CD58: variants seen among roughly 807,000 people sequenced by gnomAD.
CD58 encodes lymphocyte function-associated antigen 3.
CD58 carries 14 observed loss-of-function variants against 27.6 expected under a neutral mutation model. The ratio of observed to expected loss-of-function variants is 0.51; its 90% CI spans 0.34 to 0.79. The LOEUF is 0.79. Among genes scored for constraint, CD58 ranks in the 30% least tolerant of loss-of-function variants. The pLI is 0.02. For missense variants in CD58, 268 were observed against 301.7 expected (o/e 0.89, Z 0.83); for synonymous variants, 117 against 103.8 (o/e 1.13, Z -0.77).
Position 116,519,398 on chromosome 1 carries a change from G to A in CD58, c.707-131C>T, listed in dbSNP as rs1240497723. The A allele has an allele frequency of 2.5e-6, 2 of 792,874 alleles. No individual in the cohort carries two copies. Among genetic ancestry groups the A allele is most frequent in the African/African-American group, 1.7e-5 (1 of 58,564 alleles). The allele number at this position is 792,874 out of a possible 1,614,324, so 49.1% of individuals were successfully genotyped here. On this transcript the variant is annotated intron_variant, in intron 4 of 5. Coordinates refer to ENST00000369489, the MANE Select transcript of CD58 (RefSeq NM_001779.3). The surrounding 1 kb of genome is among the most constrained non-coding windows in gnomAD (Gnocchi z 4.7). ...GAGCCCCATCACCCTGGGATTTCCTGCTATCCTATATGCTTTAAATCAAAT... is the reference window on the plus strand; with the variant it reads ...GAGCCCCATCACCCTGGGATTTCCTACTATCCTATATGCTTTAAATCAAAT...
Position 116,523,075 on chromosome 1 carries a change from T to C in CD58, c.629-1092A>G, listed in dbSNP as rs1657319841. Among the ~76,000 whole-genome samples the C allele has an allele frequency of 6.6e-6, 1 of 152,216 alleles. No homozygotes were observed. The highest frequency in any genetic ancestry group is 2.4e-5 in the African/African-American group (1 of 41,452). ...GATGTTATTGGTATCTCTATTAATA[T>C]CTTGTGACTCTGCAATTCCATTTCT... On this transcript the variant is annotated intron_variant, in intron 3 of 5. Transcript: ENST00000369489. The surrounding 1 kb of genome is among the most constrained non-coding windows in gnomAD (Gnocchi z 4.4).
chr1:116,514,821 A>ATT lies in CD58; in HGVS notation c.744_745insAA (p.Ser249AsnfsTer6). 6.4e-7 allele frequency: 1 copy of ATT among 1,559,114 alleles called. No homozygotes were observed. The highest frequency in any genetic ancestry group is 8.8e-7 in the Non-Finnish European group (1 of 1,134,790). On this transcript the variant is annotated frameshift_variant and splice_region_variant, in exon 6 of 6. Transcript: ENST00000369489. LOFTEE classifies it high-confidence loss of function. ...TCATCTTCTGTTACCAATCAATTGG[A>ATT]GCTACAAAAAAAAATCATATTATTA...
chr1:116,534,086 C>T lies in CD58; in HGVS notation c.628+1879G>A. The T allele has an allele frequency of 1.2e-6, 1 of 814,454 alleles. No individual in the cohort carries two copies. The highest frequency in any genetic ancestry group is 2.2e-6 in the Non-Finnish European group (1 of 464,004). 50.5% of individuals were successfully genotyped at this position (814,454 alleles called of 1,614,324 possible). A position where few individuals can be genotyped will look rare whatever the true frequency, so the allele number is the denominator to read the frequency against. Reference sequence around the variant, plus strand: ...GGAACCCCATCTGAAAAACTGTTATCTGCCATCTGAATGTTTTTATCCCCT... The same window carrying T: ...GGAACCCCATCTGAAAAACTGTTATTTGCCATCTGAATGTTTTTATCCCCT... On this transcript the variant is annotated intron_variant, in intron 3 of 5. Coordinates refer to ENST00000369489, the MANE Select transcript of CD58 (RefSeq NM_001779.3). The surrounding 1 kb of genome is among the most constrained non-coding windows in gnomAD (Gnocchi z 5.3).
chr1:116,566,387 C>G (rs150516730), intron 1 of CD58, among the ~76,000 whole-genome samples: 21 of 152,312 alleles, frequency 1.4e-4, no homozygotes, highest in African/African-American at 4.6e-4. Context: ...TTAGAAGTAT[C>G]AGGGTGAACT....
chr1:116,555,527 T>C (rs1380565121), intron 1 of CD58, among the ~76,000 whole-genome samples: 3 of 152,230 alleles, frequency 2.0e-5, no homozygotes, highest in Non-Finnish European at 4.4e-5. Context: ...GCTAGCCAGA[T>C]AATTTTTGAA....
rs1312842406 is a variant in CD58, at chr1:116,515,852, C to T, written c.744-1030G>A. Among the ~76,000 whole-genome samples the T allele has an allele frequency of 1.3e-5, 2 of 152,292 alleles. No individual in the cohort carries two copies. Among genetic ancestry groups the T allele is most frequent in the African/African-American group, 2.4e-5 (1 of 41,570 alleles). On this transcript the variant is annotated intron_variant, in intron 5 of 5. Coordinates refer to ENST00000369489, the MANE Select transcript of CD58 (RefSeq NM_001779.3). This position sits in a 1 kb window ranked among gnomAD's most constrained non-coding sequence, Gnocchi z 4.6. ...TGAACTGCCTGGGTGAGAAGTGTGG[C>T]GTGGCCATTTCCCGTCAGATGTCTG...
intron 1 of CD58, among the ~76,000 whole-genome samples, chr1:116,556,192 T>C (rs1353701403): frequency 6.9e-6 from 1 of 144,302 alleles, no homozygotes; most frequent in African/African-American, 2.6e-5. Flanking sequence ...GAGGTGGAGG[T>C]TGCAGTGGCC....
intron 3 of CD58, chr1:116,533,956 T>G (rs1341352970): frequency 9.8e-6 from 14 of 1,428,516 alleles, no homozygotes; most frequent in Non-Finnish European, 1.3e-5. Context: ...AGGGGCATTG[T>G]CAAGTCGCTC....
chr1:116,544,640 C>G, intron 1 of CD58, 36 bp from the exon 2 acceptor site: 1 of 1,455,470 alleles, frequency 6.9e-7, no homozygotes, highest in South Asian at 1.3e-5. Flanking sequence ...GAAAAAACAA[C>G]ATGACTTTGG....
At chr1:116,540,026 G>A (rs1657943747) in intron 2 of CD58, among the ~76,000 whole-genome samples, 1 of 152,128 alleles carries the variant, frequency 6.6e-6, no homozygotes, top group African/African-American at 2.4e-5. Context: ...TATCAATCCA[G>A]CCCAGTTAAG....
In CD58 at chr1:116,570,981, G is replaced by A. The variant is rs1414124569; in HGVS notation, c.-9C>T. ...TCGCTCCCAGCAACCATGGCTCGTC[G>A]GGCCGGCCTCTGCGCGAGTGCCCAG... On this transcript the variant is annotated 5_prime_UTR_variant, in exon 1 of 6. Coordinates refer to ENST00000369489, the MANE Select transcript of CD58 (RefSeq NM_001779.3). This position sits in a 1 kb window ranked among gnomAD's most constrained non-coding sequence, Gnocchi z 6.4. 3.9e-6 allele frequency: 6 copies of A among 1,543,064 alleles called. No homozygotes were observed. Among genetic ancestry groups the A allele is most frequent in the African/African-American group, 1.4e-5 (1 of 72,676 alleles).
chr1:116,531,135 CTT>C lies in CD58; in HGVS notation c.628+4828_628+4829del, dbSNP rs1227290259. ...AGAGGAATATCATTCCTCTTATGATCTTTTACCAGACTATTTACAGGGAAAGT... is the reference window on the plus strand; with the variant it reads ...AGAGGAATATCATTCCTCTTATGATCTTACCAGACTATTTACAGGGAAAGT... On this transcript the variant is annotated intron_variant, in intron 3 of 5. Coordinates refer to ENST00000369489, the MANE Select transcript of CD58 (RefSeq NM_001779.3). This position sits in a 1 kb window ranked among gnomAD's most constrained non-coding sequence, Gnocchi z 4.5. 6.6e-6 allele frequency among the ~76,000 whole-genome samples: 1 copy of C among 152,144 alleles called. No homozygotes were observed. Among genetic ancestry groups the C allele is most frequent in the African/African-American group, 2.4e-5 (1 of 41,432 alleles).
intron 1 of CD58, among the ~76,000 whole-genome samples, chr1:116,564,211 TAA>T (rs1191208268): frequency 2.0e-5 from 3 of 152,196 alleles, no homozygotes; most frequent in African/African-American, 7.2e-5. Flanking sequence ...TAAAACATAT[TAA>T]GAGTCACCTT....
chr1:116,555,178 C>A (rs958463268), intron 1 of CD58, among the ~76,000 whole-genome samples: 2 of 151,922 alleles, frequency 1.3e-5, no homozygotes, highest in African/African-American at 4.8e-5. Flanking sequence ...ACAGAGAGTG[C>A]CCAGATTTTG....
Position 116,531,741 on chromosome 1 carries a change from C to G in CD58, c.628+4224G>C, listed in dbSNP as rs1384713995. 1.3e-5 allele frequency among the ~76,000 whole-genome samples: 2 copies of G among 152,120 alleles called. No homozygotes were observed. The highest frequency in any genetic ancestry group is 2.9e-5 in the Non-Finnish European group (2 of 68,028). ...AGTTATAAATTGGGACTCATTTGCA[C>G]TTTTTCTTTTTTTTCTCCGTGTTTC... is the stretch of plus-strand genomic sequence containing the variant. On this transcript the variant is annotated intron_variant, in intron 3 of 5. Coordinates refer to ENST00000369489, the MANE Select transcript of CD58 (RefSeq NM_001779.3). The surrounding 1 kb of genome is among the most constrained non-coding windows in gnomAD (Gnocchi z 4.5).
At chr1:116,540,262 C>T (rs1657948807) in intron 2 of CD58, among the ~76,000 whole-genome samples, 1 of 151,908 alleles carries the variant, frequency 6.6e-6, no homozygotes, top group South Asian at 2.1e-4. Context: ...CTGGAAGTCT[C>T]CTATTAGGTC....
chr1:116,529,066 G>A (rs1169779307), intron 3 of CD58, among the ~76,000 whole-genome samples: 1 of 152,114 alleles, frequency 6.6e-6, no homozygotes, highest in African/African-American at 2.4e-5. Context: ...CTCAGCCCTT[G>A]TAAAGTAAGT....
chr1:116,525,718 C>T (rs1221101356), intron 3 of CD58, among the ~76,000 whole-genome samples: 1 of 152,186 alleles, frequency 6.6e-6, no homozygotes. Flanking sequence ...AGATTTTGGC[C>T]AGTGTGATAG....
At chr1:116,549,953 T>A (rs1469044981) in intron 1 of CD58, among the ~76,000 whole-genome samples, 2 of 152,210 alleles carry the variant, frequency 1.3e-5, no homozygotes, top group African/African-American at 4.8e-5. Context: ...CACTATACTG[T>A]AGTCTATTAA....
Sources: gnomAD v4.1 joint callset for allele counts (sites outside exome capture counted in the v4.1 genomes callset) on GRCh38, gnomAD v4.1.1 for gene constraint, Gnocchi (gnomAD v3.1) non-coding constraint, MANE v1.5 for transcripts, NCBI Gene and HGNC (gene_info 2026-07-23, HGNC 2026-07-21) for gene names.